ELL: variants seen among roughly 807,000 people sequenced by gnomAD.
ELL encodes elongation factor for RNA polymerase II, also known as RNA polymerase II elongation factor ELL.
Under a neutral mutation model 64.0 loss-of-function variants are expected in ELL, and 18 were observed. That is an observed-to-expected ratio of 0.28 (90% CI 0.19 to 0.42). The LOEUF is 0.42. ELL is among the 10% of genes least tolerant of loss of function. ELL has a pLI of 1.00. For synonymous variants in ELL, 399 were observed against 376.2 expected, an observed-to-expected ratio of 1.06 and a Z score of -0.70; for missense variants, 797 against 870.4, an observed-to-expected ratio of 0.92 and a Z score of 1.06.
intron 2 of ELL, chr19:18,471,363 A>G (rs1285610576): frequency 1.6e-5 from 7 of 447,120 alleles, no homozygotes; most frequent in South Asian, 1.1e-4. Context: ...CAACAGAGAG[A>G]CTCATCTCTT....
intron 1 of ELL, among the ~76,000 whole-genome samples, chr19:18,494,102 CAA>C (rs1000167042): frequency 6.6e-6 from 1 of 151,756 alleles, no homozygotes; most frequent in Non-Finnish European, 1.5e-5. Flanking sequence ...TGAATCGCCA[CAA>C]AAAAAAGTTT....
intron 2 of ELL, among the ~76,000 whole-genome samples, chr19:18,470,050 C>T (rs1284248322): frequency 2.6e-5 from 4 of 152,264 alleles, no homozygotes; most frequent in Non-Finnish European, 2.9e-5. Flanking sequence ...GGCGCGGTGG[C>T]TCCCGCCTAT....
At chr19:18,506,517 A>C (rs1237001763) in intron 1 of ELL, among the ~76,000 whole-genome samples, 1 of 152,244 alleles carries the variant, frequency 6.6e-6, no homozygotes, top group Non-Finnish European at 1.5e-5. Context: ...GTTTGAGGTC[A>C]GGGGTTTGAG....
At position 18,449,057 on chromosome 19, in the gene ELL, C is replaced by G. The variant is rs1974472053; in HGVS notation, c.1465+1420G>C. On this transcript the variant is annotated intron_variant, in intron 8 of 11. Transcript: ENST00000262809. This position sits in a 1 kb window ranked among gnomAD's most constrained non-coding sequence, Gnocchi z 4.4. Reference sequence around the variant, plus strand: ...GTCCTTTTCTTGGTGCTTGGGACATCTACCCCTGCTTTGCATTTTCTCACC... The same window carrying G: ...GTCCTTTTCTTGGTGCTTGGGACATGTACCCCTGCTTTGCATTTTCTCACC... 6.6e-6 allele frequency among the ~76,000 whole-genome samples: 1 copy of G among 152,214 alleles called. No individual in the cohort carries two copies. The highest frequency in any genetic ancestry group is 2.4e-5 in the African/African-American group (1 of 41,440).
chr19:18,482,285 G>GTCCA (rs1338042653), intron 1 of ELL, among the ~76,000 whole-genome samples: 1 of 112,792 alleles, frequency 8.9e-6, no homozygotes, highest in African/African-American at 3.5e-5. Flanking sequence ...TTTACTCCTA[G>GTCCA]TCCATGGCTT....
intron 5 of ELL, among the ~76,000 whole-genome samples, chr19:18,460,507 C>T (rs1974783246): frequency 6.6e-6 from 1 of 152,198 alleles, no homozygotes; most frequent in Non-Finnish European, 1.5e-5. Flanking sequence ...CTCCATCGAG[C>T]TCCCTTCAGC....
chr19:18,472,057 G>A (rs780071478), intron 2 of ELL, among the ~76,000 whole-genome samples: 1 of 151,850 alleles, frequency 6.6e-6, no homozygotes, highest in African/African-American at 2.4e-5. Context: ...CCACCTCCCA[G>A]GTTCAAGCAA....
intron 1 of ELL, among the ~76,000 whole-genome samples, chr19:18,513,336 T>C (rs537439424): frequency 1.3e-4 from 20 of 152,228 alleles, no homozygotes; most frequent in African/African-American, 3.6e-4. Context: ...GAACCAAGCA[T>C]AGTGCCAAGA....
intron 2 of ELL, among the ~76,000 whole-genome samples, chr19:18,467,592 C>T (rs1167777426): frequency 2.0e-5 from 3 of 151,274 alleles, no homozygotes; most frequent in Non-Finnish European, 4.4e-5. Flanking sequence ...GATTCACCCT[C>T]GGACAGAGAA....
At chr19:18,480,838 T>G in intron 1 of ELL, among the ~76,000 whole-genome samples, 1 of 152,094 alleles carries the variant, frequency 6.6e-6, no homozygotes, top group African/African-American at 2.4e-5. Flanking sequence ...TTTGCCATGT[T>G]GCCCAGGCTG....
chr19:18,465,708 T>G, intron 3 of ELL, 89 bp downstream of exon 3: 1 of 1,459,036 alleles, frequency 6.9e-7, no homozygotes, highest in Non-Finnish European at 9.1e-7. Context: ...GCAATATGGT[T>G]TCAATGGGGC....
Position 18,486,864 on chromosome 19 carries a change from C to G in ELL, c.136-13982G>C, listed in dbSNP as rs1293089011. On this transcript the variant is annotated intron_variant, in intron 1 of 11. Coordinates refer to ENST00000262809, the MANE Select transcript of ELL (RefSeq NM_006532.4). ...CCCCTTCCCAGTTTGAACCTGCAAC[C>G]TGGGAGCTGCCACATCTGGACCTCA... Among the ~76,000 whole-genome samples, 8 of 152,194 alleles carry G rather than the reference C, an allele frequency of 5.3e-5. No individual in the cohort carries two copies. The East Asian group carries it at 1.5e-3, about 29-fold the overall frequency.
chr19:18,446,528 C>T (rs377031822), intron 9 of ELL, 48 bp from the exon 10 acceptor site: 2 of 1,586,838 alleles, frequency 1.3e-6, no homozygotes, highest in Non-Finnish European at 1.7e-6. Flanking sequence ...AAGGACCCAG[C>T]CCCACCCAGG....
At chr19:18,446,089 A>G (rs2144884730) in intron 10 of ELL, 3 of 584,986 alleles carry the variant, frequency 5.1e-6, no homozygotes, top group South Asian at 2.3e-5. Flanking sequence ...ACTGCAAAGG[A>G]GGCTGACAAG....
At chr19:18,470,148 C>T (rs1975034347) in intron 2 of ELL, among the ~76,000 whole-genome samples, 1 of 152,278 alleles carries the variant, frequency 6.6e-6, no homozygotes, top group Non-Finnish European at 1.5e-5. Context: ...AAAACCCTGT[C>T]TCTAGAAGGA....
At chr19:18,490,137 T>TTACAAAAAACCTGCAAGAACAG in intron 1 of ELL, among the ~76,000 whole-genome samples, 1 of 152,212 alleles carries the variant, frequency 6.6e-6, no homozygotes, top group African/African-American at 2.4e-5. Flanking sequence ...CAATCTCAAC[T>TTACAAAAAACCTGCAAGAACAG]TACAAAAAAC....
At chr19:18,482,427 CCTGCCTCTGCCTCTGCCT>C (rs551338878) in intron 1 of ELL, among the ~76,000 whole-genome samples, 1 of 146,526 alleles carries the variant, frequency 6.8e-6, no homozygotes, top group African/African-American at 2.6e-5. Context: ...AAGCAATTCT[CCTGCCTCTGCCTCTGCCT>C]CTGCCTCTGC....
intron 5 of ELL, among the ~76,000 whole-genome samples, chr19:18,459,613 G>C (rs147337716): frequency 0.011 from 1,623 of 149,446 alleles, 34 homozygotes; most frequent in African/African-American, 0.038. Flanking sequence ...TCCGCCTCCC[G>C]GGTTCACGCC....
chr19:18,509,591 GCGCACATACACACACACA>G (rs1416529656), intron 1 of ELL, among the ~76,000 whole-genome samples: 3,124 of 121,762 alleles, frequency 0.026, 141 homozygotes, highest in South Asian at 0.05. Flanking sequence ...GTGCGCGCGC[GCGCACATACACACACACA>G]CACACACACA....
Sources: allele counts gnomAD v4.1 joint callset (sites outside exome capture counted in the v4.1 genomes callset), GRCh38; gene constraint gnomAD v4.1.1; non-coding constraint Gnocchi (gnomAD v3.1); transcripts MANE v1.5; gene names NCBI Gene and HGNC (gene_info 2026-07-23, HGNC 2026-07-21).